Variants in SEPTIN12 observed in about 807,000 individuals in gnomAD.
The protein encoded by SEPTIN12 is septin 12.
Under a neutral mutation model 37.7 loss-of-function variants are expected in SEPTIN12, and 42 were observed. That is an observed-to-expected ratio of 1.11 (90% CI 0.87 to 1.44). The LOEUF is 1.44. Ranked by LOEUF, SEPTIN12 falls within the 40% of genes most tolerant of loss-of-function variation. The pLI is 0.00. For missense variants in SEPTIN12, 613 were observed against 479.2 expected (o/e 1.28, Z -2.61); for synonymous variants, 254 against 196.7 (o/e 1.29, Z -2.44).
At position 4,787,486 on chromosome 16, in the gene SEPTIN12, C is replaced by A; in HGVS notation, c.160G>T (p.Val54Leu). 1.2e-6 allele frequency: 2 copies of A among 1,612,772 alleles called. No homozygotes were observed. The highest frequency in any genetic ancestry group is 1.1e-5 in the South Asian group (1 of 91,078). The change falls in exon 2 of 10, where the codon GTG (valine) becomes TTG (leucine). Residue 54 changes from valine to leucine, a missense_variant. Physicochemically the swap from Val to Leu is conservative, Grantham distance 32. Coordinates refer to ENST00000268231, the MANE Select transcript of SEPTIN12 (RefSeq NM_144605.5). ...GGCCCTACCTCTCACTCACCCACCA[C>A]CATGATGTTGAACTCAAACCCCATC... ...MKMGFEFNIM[V>L]VGQSGLGKST...
chr16:4,787,685 G>T lies in SEPTIN12; in HGVS notation c.-22-18C>A, dbSNP rs781443660. On this transcript the variant is annotated intron_variant, in intron 1 of 9. Coordinates refer to ENST00000268231, the MANE Select transcript of SEPTIN12 (RefSeq NM_144605.5). ...CGAGATGCCTGTCACCAGGTGGGTG[G>T]GGAGAAGGGGGTCACTGGGGCTCAG... The T allele has an allele frequency of 1.9e-5, 21 of 1,085,212 alleles. No individual in the cohort carries two copies. The highest frequency in any genetic ancestry group is 2.8e-5 in the Non-Finnish European group (21 of 742,422). The allele number at this position is 1,085,212 out of a possible 1,614,324, so 67.2% of individuals were successfully genotyped here.
chr16:4,779,858 C>T (rs1596250781), intron 7 of SEPTIN12, 72 bp from the exon 8 acceptor site: 1 of 1,015,022 alleles, frequency 9.9e-7, no homozygotes, highest in Non-Finnish European at 1.6e-6. Context: ...GTCAAGGCAC[C>T]CAGGCAGGAG....
chr16:4,778,133 C>G lies in SEPTIN12; in HGVS notation c.828G>C (p.Glu276Asp). 2 of 1,614,190 alleles carry G rather than the reference C, an allele frequency of 1.2e-6. No individual in the cohort carries two copies. Among genetic ancestry groups the G allele is most frequent in the Non-Finnish European group, 1.7e-6 (2 of 1,180,026 alleles). ...RKTKWGIIEV[E>D]NMAHCEFPLL... is the part of the protein sequence containing the mutation. ...GAGGAAATTCACAGTGCGCCATGTT[C>G]TCCACTGCAAGACATGGGACTCAGT... The change falls in exon 9 of 10, where the codon GAG becomes GAC. Residue 276 changes from glutamate (E) to aspartate (D), a missense_variant. Glu to Asp is a conservative substitution (Grantham distance 45, BLOSUM62 2). Coordinates refer to ENST00000268231, the MANE Select transcript of SEPTIN12 (RefSeq NM_144605.5).
chr16:4,787,793 G>A (rs1227934661), intron 1 of SEPTIN12, 126 bp from the exon 2 acceptor site: 4 of 602,588 alleles, frequency 6.6e-6, no homozygotes, highest in African/African-American at 5.6e-5. Flanking sequence ...CATGCCTCTG[G>A]TGTACCCTAA....
At chr16:4,789,611 C>A (rs2082519213), upstream of SEPTIN12, among the ~76,000 whole-genome samples, 1 of 152,176 alleles carries the variant, frequency 6.6e-6, no homozygotes, top group Non-Finnish European at 1.5e-5. Flanking sequence ...CAGGCGTTAG[C>A]CCCTGCGCCC....
At chr16:4,779,113 G>A (rs1263692868) in intron 8 of SEPTIN12, among the ~76,000 whole-genome samples, 1 of 150,524 alleles carries the variant, frequency 6.6e-6, no homozygotes. Flanking sequence ...ACTCCAGCTC[G>A]GGTGACACTG....
At chr16:4,791,253 T>C (rs2082546606), upstream of SEPTIN12, among the ~76,000 whole-genome samples, 1 of 152,066 alleles carries the variant, frequency 6.6e-6, no homozygotes, top group African/African-American at 2.4e-5. Flanking sequence ...GAAAGCATGC[T>C]GTCATCTGGA....
Position 4,777,894 on chromosome 16 carries a change from C to A in SEPTIN12, c.980G>T (p.Trp327Leu). The A allele has an allele frequency of 6.3e-7, 1 of 1,599,436 alleles. No homozygotes were observed. The highest frequency in any genetic ancestry group is 2.3e-5 in the East Asian group (1 of 44,368). The change falls in exon 10 of 10, where the codon TGG becomes TTG. Residue 327 changes from tryptophan (W) to leucine (L), a missense_variant. Transcript: ENST00000268231. ...TGGGGAGGCCGGGGCCAGGTTCACC[C>A]AGCCGGGCCCGCGGGGCAGCAGGTG... ...ESHLLPRGPG[W>L]VNLAPASPGQ...
Position 4,786,069 on chromosome 16 carries a change from G to A in SEPTIN12, c.203C>T (p.Thr68Met), listed in dbSNP as rs770349429. The A allele has an allele frequency of 2.5e-6, 4 of 1,613,780 alleles. No individual in the cohort carries two copies. Among genetic ancestry groups the A allele is most frequent in the South Asian group, 1.1e-5 (1 of 91,040 alleles). The change falls in exon 3 of 10, where the codon ACG (threonine) becomes ATG (methionine). Residue 68 changes from threonine (T) to methionine (M), a missense_variant. Coordinates refer to ENST00000268231, the MANE Select transcript of SEPTIN12 (RefSeq NM_144605.5). ...SGLGKSTMVN[T>M]LFKSKVWKSN... Reference sequence around the variant, plus strand: ...CTTCCACACTTTGGACTTGAACAGCGTGTTCACCATCGTGGACTTGCCCAG... The same window carrying A: ...CTTCCACACTTTGGACTTGAACAGCATGTTCACCATCGTGGACTTGCCCAG...
Position 4,777,947 on chromosome 16 carries a change from G to C in SEPTIN12, c.927C>G (p.Asn309Lys), listed in dbSNP as rs1596248653. Residue 309 changes from asparagine to lysine, a missense_variant, in exon 10 of 10, where the codon AAC becomes AAG. Asn to Lys is a moderately conservative substitution (Grantham distance 94). Transcript: ENST00000268231. ...TTTCATTGAGTCTGATGACGCGGTA[G>C]TTCTCATAGTGGATGTTGTGGGTTA... is the stretch of plus-strand genomic sequence containing the variant. Reference protein sequence around the residue: ...KDITHNIHYENYRVIRLNESH... With the variant: ...KDITHNIHYEKYRVIRLNESH... The C allele has an allele frequency of 6.2e-7, 1 of 1,610,262 alleles. No homozygotes were observed. Among genetic ancestry groups the C allele is most frequent in the East Asian group, 2.2e-5 (1 of 44,750 alleles).
At chr16:4,778,167 T>A in intron 8 of SEPTIN12, 30 bp from the exon 9 acceptor site, 1 of 1,613,138 alleles carries the variant, frequency 6.2e-7, no homozygotes, top group Non-Finnish European at 8.5e-7. Context: ...GTATGGGCGC[T>A]GCTTAGTGAG....
At chr16:4,790,497 G>A (rs950975380), upstream of SEPTIN12, among the ~76,000 whole-genome samples, 1 of 152,140 alleles carries the variant, frequency 6.6e-6, no homozygotes, top group African/African-American at 2.4e-5. Flanking sequence ...AAGGCTTAGA[G>A]GCTAGGGGTC....
upstream of SEPTIN12, chr16:4,789,873 TTC>T (rs1325701994): frequency 1.3e-5 from 2 of 152,140 alleles, no homozygotes; most frequent in African/African-American, 4.8e-5. Context: ...GGCAAATGTT[TTC>T]TCTTTCTTTT....
At chr16:4,786,198 G>A (rs2082441910) in intron 2 of SEPTIN12, 93 bp from the exon 3 acceptor site, 8 of 1,460,682 alleles carry the variant, frequency 5.5e-6, no homozygotes, top group Non-Finnish European at 7.3e-6. Flanking sequence ...TTTGGAGACA[G>A]GTTCTCACTC....
intron 2 of SEPTIN12, 29 bp from the exon 3 acceptor site, chr16:4,786,134 T>C: frequency 6.4e-7 from 1 of 1,557,332 alleles, no homozygotes; most frequent in East Asian, 2.3e-5. Context: ...TGACAGCAGT[T>C]AGGGTGGGCG....
chr16:4,791,363 G>A (rs927183904), upstream of SEPTIN12, among the ~76,000 whole-genome samples: 4 of 152,180 alleles, frequency 2.6e-5, no homozygotes, highest in African/African-American at 2.4e-5. Flanking sequence ...GGAATCACAC[G>A]TCAACACGGC....
intron 2 of SEPTIN12, 32 bp downstream of exon 2, chr16:4,787,448 C>A: frequency 6.2e-7 from 1 of 1,605,738 alleles, no homozygotes; most frequent in Non-Finnish European, 8.5e-7. Flanking sequence ...CACTGTGGGT[C>A]TGTCCTGCCG....
In SEPTIN12 at chr16:4,786,114, G is replaced by A. The variant is rs1430453959; in HGVS notation, c.167-9C>T. The A allele has an allele frequency of 3.1e-6, 5 of 1,594,930 alleles. No individual in the cohort carries two copies. The highest frequency in any genetic ancestry group is 4.3e-6 in the Non-Finnish European group (5 of 1,168,432). On this transcript the variant is annotated splice_polypyrimidine_tract_variant and intron_variant, in intron 2 of 9. Coordinates refer to ENST00000268231, the MANE Select transcript of SEPTIN12 (RefSeq NM_144605.5). ...GCCCAGCCCGCTTTGCCCTGGGAGT[G>A]GCAACCGGATGACAGCAGTTAGGGT...
intron 8 of SEPTIN12, among the ~76,000 whole-genome samples, chr16:4,779,429 T>G (rs1366985317): frequency 6.6e-6 from 1 of 152,150 alleles, no homozygotes; most frequent in Non-Finnish European, 1.5e-5. Flanking sequence ...TTGGGCATTG[T>G]GCAAAATGGT....
Sources: allele counts gnomAD v4.1 joint callset (sites outside exome capture counted in the v4.1 genomes callset), GRCh38; gene constraint gnomAD v4.1.1; transcripts MANE v1.5; gene names NCBI Gene and HGNC (gene_info 2026-07-23, HGNC 2026-07-21).